CNTRL: variants seen among roughly 807,000 people sequenced by gnomAD.
CNTRL encodes the protein 110 kDa centrosomal protein.
CNTRL carries 233 observed loss-of-function variants against 303.7 expected under a neutral mutation model. That is an observed-to-expected ratio of 0.77 (90% confidence interval 0.69 to 0.86). CNTRL has a LOEUF of 0.86. CNTRL is among the 40% of genes least tolerant of loss of function. The probability of loss-of-function intolerance (pLI) is 0.00; values close to 1 mark genes in which losing one functional copy is unlikely to be tolerated. For synonymous variants in CNTRL, 900 were observed against 922.2 expected (o/e 0.98, Z 0.44); for missense variants, 2,524 against 2,650.6 (o/e 0.95, Z 1.05).
chr9:121,138,223 A>G (rs1475141554), intron 15 of CNTRL, among the ~76,000 whole-genome samples: 5 of 152,180 alleles, frequency 3.3e-5, no homozygotes, highest in Admixed American at 3.3e-4. Context: ...ATACTAGTCT[A>G]AGGGAAAGGA....
chr9:121,106,684 G>C (rs982688312), intron 7 of CNTRL, among the ~76,000 whole-genome samples: 3 of 152,032 alleles, frequency 2.0e-5, no homozygotes, highest in Non-Finnish European at 4.4e-5. Flanking sequence ...GAGCCTGTCT[G>C]TTCATTTGAA....
intron 40 of CNTRL, 84 bp from the exon 41 acceptor site, chr9:121,173,159 T>C (rs1194923166): frequency 6.4e-6 from 8 of 1,254,900 alleles, no homozygotes; most frequent in Admixed American, 4.6e-5. Flanking sequence ...TATAGATCTT[T>C]AAATACATGG....
chr9:121,104,694 ATTTTTT>A (rs10693661), intron 7 of CNTRL, among the ~76,000 whole-genome samples: 11 of 96,448 alleles, frequency 1.1e-4, no homozygotes, highest in African/African-American at 1.9e-4. Context: ...GCCACTGGCA[ATTTTTT>A]TTTTTTTTTT....
At chr9:121,096,105 T>G (rs530011143) in intron 5 of CNTRL, among the ~76,000 whole-genome samples, 23 of 152,344 alleles carry the variant, frequency 1.5e-4, no homozygotes, top group Middle Eastern at 3.4e-3. Flanking sequence ...AGGTCTCCAC[T>G]GGCTGTTTGC....
chr9:121,158,064 G>C lies in CNTRL; in HGVS notation c.4719G>C (p.Val1573=), dbSNP rs2052670093. The change falls in exon 30 of 44, where the codon GTG becomes GTC. Residue 1573 remains valine (V), a synonymous_variant. Transcript: ENST00000373855. ...HHLQVLKESE[V]LLQAKRAELE... is the part of the protein sequence containing the mutation. ...TGCAGGTCCTTAAAGAATCTGAGGT[G>C]CTTCTTCAGGCCAAAAGAGCCGAGC... The C allele has an allele frequency of 4.3e-6, 7 of 1,614,136 alleles. No homozygotes were observed. Among genetic ancestry groups the C allele is most frequent in the African/African-American group, 1.3e-5 (1 of 75,040 alleles).
chr9:121,120,180 G>C (rs951549017), intron 12 of CNTRL, among the ~76,000 whole-genome samples: 1 of 151,830 alleles, frequency 6.6e-6, no homozygotes, highest in Non-Finnish European at 1.5e-5. Context: ...ATTTAACATA[G>C]TAAGGATATT....
chr9:121,113,831 T>C (rs1282133851), intron 10 of CNTRL, 107 bp downstream of exon 10: 10 of 657,304 alleles, frequency 1.5e-5, no homozygotes, highest in Non-Finnish European at 2.3e-5. Flanking sequence ...GATGGTATTG[T>C]TTCCATGAAA....
chr9:121,091,410 T>C (rs188180055), intron 4 of CNTRL, among the ~76,000 whole-genome samples: 2 of 152,326 alleles, frequency 1.3e-5, no homozygotes, highest in Admixed American at 6.5e-5. Flanking sequence ...TATATGAGAA[T>C]ATTTTTAAAA....
chr9:121,106,459 G>A (rs1275546047), intron 7 of CNTRL, among the ~76,000 whole-genome samples: 1 of 152,092 alleles, frequency 6.6e-6, no homozygotes, highest in African/African-American at 2.4e-5. Flanking sequence ...CTTGGTAGGA[G>A]TGACACTTTC....
At chr9:121,158,702 C>T (rs1452273074) in intron 30 of CNTRL, 153 bp from the exon 31 acceptor site, 9 of 678,204 alleles carry the variant, frequency 1.3e-5, no homozygotes, top group East Asian at 7.5e-5. Flanking sequence ...TTTCATTAGG[C>T]ATTTCACCCT....
chr9:121,171,207 A>G (rs2053287412), intron 39 of CNTRL: 2 of 657,842 alleles, frequency 3.0e-6, no homozygotes, highest in Admixed American at 4.1e-5. Context: ...ATCAAAGGTA[A>G]TGCTAACAGA....
In CNTRL at chr9:121,173,390, A is replaced by G. The variant is rs747190571; in HGVS notation, c.6565A>G (p.Ile2189Val). 2.5e-6 allele frequency: 4 copies of G among 1,614,184 alleles called. No homozygotes were observed. In the South Asian group the frequency reaches 4.4e-5, roughly 18 times the overall value. ...LPELPADLEA[I>V]LERNENLEGE... ...AGAACTACCAGCAGATCTAGAAGCT[A>G]TTTTGGAAAGAAACGAAAACCTAGA... Residue 2189 changes from isoleucine (I) to valine (V), a missense_variant, in exon 41 of 44, where the codon ATT becomes GTT. Transcript: ENST00000373855.
chr9:121,101,483 T>G (rs1189983680), intron 7 of CNTRL, among the ~76,000 whole-genome samples: 1 of 151,834 alleles, frequency 6.6e-6, no homozygotes, highest in Non-Finnish European at 1.5e-5. Context: ...ACATCACAAT[T>G]AAAAGAACTA....
In CNTRL at chr9:121,096,555, A is replaced by G. The variant is rs1472915368; in HGVS notation, c.613A>G (p.Ile205Val). The G allele has an allele frequency of 2.7e-6, 4 of 1,464,874 alleles. No homozygotes were observed. The highest frequency in any genetic ancestry group is 3.6e-6 in the Non-Finnish European group (4 of 1,096,224). 90.7% of individuals were successfully genotyped at this position (1,464,874 alleles called of 1,614,324 possible). ...LRVLNLKGNK[I>V]SSLQDISKLK... ...AGTCCTCAATTTGAAAGGCAACAAGATATCATCGGTAAGTTATTCAAAATA... is the reference window on the plus strand; with the variant it reads ...AGTCCTCAATTTGAAAGGCAACAAGGTATCATCGGTAAGTTATTCAAAATA... The change falls in exon 6 of 44, where the codon ATA becomes GTA. Residue 205 changes from isoleucine (I) to valine (V), a missense_variant. Transcript: ENST00000373855.
At chr9:121,077,570 C>A (rs2047973361) in intron 1 of CNTRL, among the ~76,000 whole-genome samples, 1 of 152,142 alleles carries the variant, frequency 6.6e-6, no homozygotes, top group African/African-American at 2.4e-5. Context: ...AATGAGTAAG[C>A]CTGACTTTTA....
At chr9:121,127,774 CCTAATG>C (rs2050614069) in intron 14 of CNTRL, among the ~76,000 whole-genome samples, 1 of 151,100 alleles carries the variant, frequency 6.6e-6, no homozygotes, top group Non-Finnish European at 1.5e-5. Context: ...AGGTATATCT[CCTAATG>C]CTATCCCTCC....
At chr9:121,118,114 C>T (rs1411840517) in intron 11 of CNTRL, among the ~76,000 whole-genome samples, 1 of 151,886 alleles carries the variant, frequency 6.6e-6, no homozygotes, top group Non-Finnish European at 1.5e-5. Flanking sequence ...AGAATGACAG[C>T]TTATTTGTGC....
chr9:121,141,615 AG>A (rs756125146), intron 18 of CNTRL, 27 bp downstream of exon 18: 1 of 1,599,678 alleles, frequency 6.3e-7, no homozygotes, highest in South Asian at 1.1e-5. Flanking sequence ...AGGCACCTGG[AG>A]GGAAGTGTTT....
In CNTRL at chr9:121,175,161, A is replaced by G; in HGVS notation, c.6891A>G (p.Ser2297=). The change falls in exon 43 of 44, where the codon TCA becomes TCG. Residue 2297 remains serine, a synonymous_variant. Coordinates refer to ENST00000373855, the MANE Select transcript of CNTRL (RefSeq NM_007018.6). ...CCAGCACCTCTGCAGATTCAGCGTC[A>G]TCACCCAGTCTGTCTCAGCTGGAGT... ...LVTSTSADSA[S]SPSLSQLESS... The G allele has an allele frequency of 6.2e-7, 1 of 1,614,178 alleles. No individual in the cohort carries two copies. Among genetic ancestry groups the G allele is most frequent in the South Asian group, 1.1e-5 (1 of 91,090 alleles).
Sources: gnomAD v4.1 joint callset for allele counts (sites outside exome capture counted in the v4.1 genomes callset) on GRCh38, gnomAD v4.1.1 for gene constraint, MANE v1.5 for transcripts, NCBI Gene and HGNC (gene_info 2026-07-23, HGNC 2026-07-21) for gene names.